The following PTPN3 variants were observed in gnomAD, a reference collection of about 807,000 sequenced individuals.
PTPN3 encodes protein tyrosine phosphatase non-receptor type 3.
Under a neutral mutation model 132.7 loss-of-function variants are expected in PTPN3, and 96 were observed. The observed-to-expected ratio is 0.72, with a 90% CI of 0.61 to 0.86. The LOEUF (loss-of-function observed/expected upper bound fraction) is 0.86, where lower values mean the gene tolerates loss of function less well. PTPN3 is among the 40% of genes least tolerant of loss of function. The pLI is 0.00. For synonymous variants in PTPN3, 398 were observed against 429.0 expected, an observed-to-expected ratio of 0.93 and a Z score of 0.89; for missense variants, 1,125 against 1,159.6, an observed-to-expected ratio of 0.97 and a Z score of 0.43.
At chr9:109,473,171 G>A (rs570501689) in intron 1 of PTPN3, among the ~76,000 whole-genome samples, 6 of 152,248 alleles carry the variant, frequency 3.9e-5, no homozygotes, top group East Asian at 3.9e-4. Context: ...ACAATACTCC[G>A]TCGAATCATC....
At chr9:109,528,868 T>A in the PTPN3 span, among the ~76,000 whole-genome samples, 1 of 152,190 alleles carries the variant, frequency 6.6e-6, no homozygotes, top group Non-Finnish European at 1.5e-5. Flanking sequence ...ATCATCTTAA[T>A]TCTACTTCCT....
the PTPN3 span, among the ~76,000 whole-genome samples, chr9:109,517,278 T>C: frequency 2.0e-5 from 3 of 152,182 alleles, no homozygotes; most frequent in Non-Finnish European, 4.4e-5. Context: ...GCTTGGAAGT[T>C]AATACATGCT....
chr9:109,533,999 A>C, the PTPN3 span: 1 of 766,354 alleles, frequency 1.3e-6, no homozygotes, highest in Non-Finnish European at 2.4e-6. Flanking sequence ...AACCACATCA[A>C]ACTCCACAGT....
intron 22 of PTPN3, among the ~76,000 whole-genome samples, chr9:109,384,022 C>G (rs1462793326): frequency 6.6e-6 from 1 of 152,188 alleles, no homozygotes; most frequent in Non-Finnish European, 1.5e-5. Context: ...ATACACAACT[C>G]CGCTGGGATC....
intron 19 of PTPN3, among the ~76,000 whole-genome samples, chr9:109,397,984 AT>A (rs1264540242): frequency 6.6e-6 from 1 of 152,222 alleles, no homozygotes; most frequent in African/African-American, 2.4e-5. Context: ...TAAAAATGCA[AT>A]CTTTTGGGCC....
chr9:109,456,260 C>A (rs1236628301), intron 4 of PTPN3, among the ~76,000 whole-genome samples: 1 of 152,218 alleles, frequency 6.6e-6, no homozygotes, highest in Non-Finnish European at 1.5e-5. Flanking sequence ...TGTTGGGCAC[C>A]TTGGGGATGC....
the PTPN3 span, among the ~76,000 whole-genome samples, chr9:109,534,835 C>T: frequency 1.4e-5 from 2 of 146,748 alleles, no homozygotes; most frequent in African/African-American, 5.0e-5. Flanking sequence ...AACAAACAAA[C>T]AAAGTTAGTG....
intron 23 of PTPN3, 135 bp downstream of exon 23, chr9:109,383,288 G>A (rs757963995): frequency 6.8e-7 from 1 of 1,474,764 alleles, no homozygotes; most frequent in Non-Finnish European, 9.3e-7. Flanking sequence ...CTCTTTGATG[G>A]GCAGTCTTGC....
intron 21 of PTPN3, 54 bp from the exon 22 acceptor site, chr9:109,389,433 G>A (rs1297841537): frequency 5.2e-6 from 8 of 1,538,208 alleles, no homozygotes; most frequent in East Asian, 2.3e-5. Flanking sequence ...GGGTGCACAG[G>A]GAACTGGATT....
At chr9:109,454,712 G>A (rs1845472205) in intron 4 of PTPN3, 138 bp from the exon 5 acceptor site, 1 of 647,922 alleles carries the variant, frequency 1.5e-6, no homozygotes, top group Non-Finnish European at 2.7e-6. Flanking sequence ...TTTCAAACAT[G>A]GAGTACATAA....
At chr9:109,456,944 C>T (rs1245079390) in intron 4 of PTPN3, among the ~76,000 whole-genome samples, 1 of 152,116 alleles carries the variant, frequency 6.6e-6, no homozygotes, top group Admixed American at 6.5e-5. Context: ...GAGCTGCCTA[C>T]TCTCACCCTT....
At chr9:109,450,319 T>C in intron 5 of PTPN3, 1 of 985,406 alleles carries the variant, frequency 1.0e-6, no homozygotes, top group Non-Finnish European at 1.2e-6. Context: ...TCTATGTTTA[T>C]CCAAGCTGAC....
chr9:109,536,784 C>A, the PTPN3 span, among the ~76,000 whole-genome samples: 1 of 152,172 alleles, frequency 6.6e-6, no homozygotes, highest in Non-Finnish European at 1.5e-5. Flanking sequence ...CCCCTTAGAC[C>A]TGGCTTCTCT....
intron 7 of PTPN3, among the ~76,000 whole-genome samples, chr9:109,444,071 G>A (rs1159319955): frequency 6.6e-6 from 1 of 152,084 alleles, no homozygotes; most frequent in African/African-American, 2.4e-5. Context: ...ACCAGAGCAG[G>A]GTGTGTAGTT....
the PTPN3 span, chr9:109,534,403 C>G: frequency 6.9e-7 from 1 of 1,441,390 alleles, no homozygotes; most frequent in Admixed American, 2.6e-5. Context: ...GGTAGCTAGG[C>G]CAGCGGTGGT....
the PTPN3 span, among the ~76,000 whole-genome samples, chr9:109,513,858 A>G: frequency 1.3e-5 from 2 of 152,162 alleles, no homozygotes; most frequent in African/African-American, 2.4e-5. Context: ...TTATATGTAA[A>G]TATAATATTT....
intron 4 of PTPN3, among the ~76,000 whole-genome samples, chr9:109,456,376 C>T (rs187907411): frequency 5.1e-4 from 77 of 152,298 alleles, no homozygotes; most frequent in Admixed American, 1.6e-3. Flanking sequence ...AACCCCAACA[C>T]GGGTGATGGT....
At chr9:109,406,322 A>G (rs1841560074) in intron 18 of PTPN3, 140 bp downstream of exon 18, 1 of 1,167,294 alleles carries the variant, frequency 8.6e-7, no homozygotes, top group Admixed American at 2.4e-5. Flanking sequence ...GAAGCCAAAC[A>G]TTCGGTTATT....
At chr9:109,503,756 A>G in the PTPN3 span, among the ~76,000 whole-genome samples, 1 of 152,170 alleles carries the variant, frequency 6.6e-6, no homozygotes, top group Non-Finnish European at 1.5e-5. Context: ...TCACTGTAAA[A>G]GAGGGATTTT....
Sources: gnomAD v4.1 joint callset for allele counts (sites outside exome capture counted in the v4.1 genomes callset) on GRCh38, gnomAD v4.1.1 for gene constraint, MANE v1.5 for transcripts, NCBI Gene and HGNC (gene_info 2026-07-23, HGNC 2026-07-21) for gene names.